TCERG1: variants seen among roughly 807,000 people sequenced by gnomAD.
TCERG1 encodes TATA box binding protein (TBP)-associated factor, RNA polymerase II, S, 150kD.
In TCERG1, 37 loss-of-function variants were observed where a neutral mutation model predicts 144.7. The ratio of observed to expected loss-of-function variants is 0.26; its 90% CI spans 0.20 to 0.34. TCERG1 has a LOEUF of 0.34. Among genes scored for constraint, TCERG1 ranks in the 10% least tolerant of loss-of-function variants. The pLI is 1.00. For synonymous variants in TCERG1, 492 were observed against 458.2 expected (o/e 1.07, Z -0.94); for missense variants, 1,027 against 1,380.7 (o/e 0.74, Z 4.06).
intron 10 of TCERG1, among the ~76,000 whole-genome samples, chr5:146,478,942 T>A (rs1561669627): frequency 6.6e-6 from 1 of 152,190 alleles, no homozygotes; most frequent in Non-Finnish European, 1.5e-5. Flanking sequence ...GCTTAGTGCT[T>A]ATCAATACTA....
chr5:146,467,697 A>G (rs769252184), intron 5 of TCERG1, among the ~76,000 whole-genome samples: 3 of 152,228 alleles, frequency 2.0e-5, no homozygotes, highest in African/African-American at 4.8e-5. Context: ...TTCTAAGGCC[A>G]TGGGGTTCCA....
chr5:146,462,888 C>T (rs905826393), intron 4 of TCERG1, among the ~76,000 whole-genome samples: 10 of 152,196 alleles, frequency 6.6e-5, no homozygotes, highest in South Asian at 2.1e-4. Flanking sequence ...TCTAACAAAA[C>T]GTATATATTA....
intron 1 of TCERG1, among the ~76,000 whole-genome samples, chr5:146,454,172 G>T (rs1762613431): frequency 6.6e-6 from 1 of 151,540 alleles, no homozygotes; most frequent in South Asian, 2.1e-4. Flanking sequence ...CTGTACTCCA[G>T]CCTGGCAAGA....
At chr5:146,498,309 T>C (rs958998293) in intron 16 of TCERG1, among the ~76,000 whole-genome samples, 2 of 151,896 alleles carry the variant, frequency 1.3e-5, no homozygotes, top group Non-Finnish European at 2.9e-5. Context: ...TTAATAATAA[T>C]ATTTATTCTC....
At chr5:146,475,110 T>G (rs1764711136) in intron 9 of TCERG1, among the ~76,000 whole-genome samples, 1 of 152,214 alleles carries the variant, frequency 6.6e-6, no homozygotes, top group Non-Finnish European at 1.5e-5. Context: ...GGCTTGTTTC[T>G]GAAGTCTTGT....
At chr5:146,452,821 A>G (rs1386332265) in intron 1 of TCERG1, among the ~76,000 whole-genome samples, 1 of 152,096 alleles carries the variant, frequency 6.6e-6, no homozygotes, top group Non-Finnish European at 1.5e-5. Context: ...TGAACTCCTG[A>G]CTTCAAATGA....
At chr5:146,491,793 A>T (rs770219242) in intron 15 of TCERG1, among the ~76,000 whole-genome samples, 4 of 152,348 alleles carry the variant, frequency 2.6e-5, no homozygotes, top group African/African-American at 9.6e-5. Flanking sequence ...TTTGTGGGCC[A>T]TATGGTCTCT....
At chr5:146,496,881 T>G (rs1197566523) in intron 16 of TCERG1, among the ~76,000 whole-genome samples, 1 of 147,128 alleles carries the variant, frequency 6.8e-6, no homozygotes, top group Non-Finnish European at 1.5e-5. Context: ...TTTTTTTTTT[T>G]TTTTTTTTTT....
intron 19 of TCERG1, among the ~76,000 whole-genome samples, chr5:146,506,027 T>G (rs1333516999): frequency 6.6e-6 from 1 of 152,150 alleles, no homozygotes; most frequent in Non-Finnish European, 1.5e-5. Context: ...TCCACCCACC[T>G]CCCAAAGGGC....
At chr5:146,509,113 C>A in intron 21 of TCERG1, 32 bp from the exon 22 acceptor site, 2 of 1,365,326 alleles carry the variant, frequency 1.5e-6, no homozygotes, top group Non-Finnish European at 2.0e-6. Flanking sequence ...GTTTTATTTC[C>A]ATAATCTCAA....
intron 7 of TCERG1, among the ~76,000 whole-genome samples, chr5:146,470,223 G>A (rs1028941062): frequency 6.6e-6 from 1 of 152,078 alleles, no homozygotes; most frequent in African/African-American, 2.4e-5. Context: ...GGCTGGTCTT[G>A]AACTCCTGGG....
At chr5:146,466,349 G>C (rs145497001) in intron 5 of TCERG1, among the ~76,000 whole-genome samples, 10 of 152,228 alleles carry the variant, frequency 6.6e-5, no homozygotes, top group African/African-American at 2.2e-4. Context: ...ATTGAGGAAC[G>C]GATGGTCAAA....
At chr5:146,505,607 T>A (rs1767910222) in intron 19 of TCERG1, 1 of 151,624 alleles carries the variant, frequency 6.6e-6, no homozygotes, top group African/African-American at 2.4e-5. Flanking sequence ...TGACAGACTT[T>A]CTCGTTCTTC....
intron 15 of TCERG1, among the ~76,000 whole-genome samples, chr5:146,490,136 G>C (rs1414280487): frequency 6.6e-6 from 1 of 152,118 alleles, no homozygotes; most frequent in Non-Finnish European, 1.5e-5. Flanking sequence ...ACTTTCAAAA[G>C]GTTTTCTGCA....
rs965987020 is a variant in TCERG1, at chr5:146,469,611, A to G, written c.1266A>G (p.Ser422=). The G allele has an allele frequency of 3.1e-6, 5 of 1,613,544 alleles. No homozygotes were observed. The highest frequency in any genetic ancestry group is 4.2e-6 in the Non-Finnish European group (5 of 1,179,676). The part of the protein sequence containing the change: ...MIHPQVAIAA[S]PATLAGATAV... ...ATCCCCAGGTTGCTATTGCAGCTTC[A>G]CCTGCTACCTTAGCTGGAGCAACAG... The change falls in exon 7 of 23, where the codon TCA becomes TCG. Residue 422 remains serine (S), a synonymous_variant. Transcript: ENST00000679501.
At chr5:146,498,505 C>G in intron 16 of TCERG1, 31 bp from the exon 17 acceptor site, 1 of 1,579,638 alleles carries the variant, frequency 6.3e-7, no homozygotes, top group Non-Finnish European at 8.6e-7. Flanking sequence ...AAGTAACTGC[C>G]AAAGTTAGCA....
rs768149746 is a variant in TCERG1 at position 146,447,371 on chromosome 5, G to T, written c.22G>T (p.Gly8Trp). Residue 8 changes from glycine to tryptophan, a missense_variant, in exon 1 of 23, where the codon GGG (glycine) becomes TGG (tryptophan). Physicochemically the swap from Gly to Trp is radical, Grantham distance 184. Around this residue, in one of 6 missense-constraint regions of TCERG1, gnomAD observed 175 missense variants for 197.0 expected, o/e 0.89. Transcript: ENST00000679501. ...TGTAATGGCGGAGCGTGGCGGGGAC[G>T]GGGGCGAGAGTGAACGATTCAACCC... Reference protein sequence around the residue: MAERGGDGGESERFNPGE... With the variant: MAERGGDWGESERFNPGE... 5.0e-6 allele frequency: 8 copies of T among 1,610,976 alleles called. No individual in the cohort carries two copies. The highest frequency in any genetic ancestry group is 2.7e-5 in the African/African-American group (2 of 74,650).
In TCERG1 at chr5:146,481,183, C is replaced by G; in HGVS notation, c.1920C>G (p.Ala640=). ...RMSKKSFMWI[A]RASLFRRDDN... is the part of the protein sequence containing the mutation. Reference sequence around the variant, plus strand: ...CAAAGAAGTCCTTTATGTGGATTGCCCGAGCTTCTCTATTTAGGTACAAAG... The same window carrying G: ...CAAAGAAGTCCTTTATGTGGATTGCGCGAGCTTCTCTATTTAGGTACAAAG... The change falls in exon 13 of 23, where the codon GCC becomes GCG. Residue 640 remains alanine (A), a synonymous_variant. Coordinates refer to ENST00000679501, the MANE Select transcript of TCERG1 (RefSeq NM_001382548.1). 3 of 985,110 alleles carry G rather than the reference C, an allele frequency of 3.0e-6. No homozygotes were observed. The highest frequency in any genetic ancestry group is 3.6e-6 in the Non-Finnish European group (3 of 829,850). The allele number at this position is 985,110 out of a possible 1,614,324, so 61.0% of individuals were successfully genotyped here.
chr5:146,463,978 G>A (rs1190986656), intron 5 of TCERG1, among the ~76,000 whole-genome samples, 185 bp downstream of exon 5: 1 of 151,982 alleles, frequency 6.6e-6, no homozygotes. Flanking sequence ...TTTTGTTGTT[G>A]TTTACATGTC....
Sources: gnomAD v4.1 joint callset for allele counts (sites outside exome capture counted in the v4.1 genomes callset) on GRCh38, gnomAD v4.1.1 for gene constraint, gnomAD v4.1.1 regional missense constraint, MANE v1.5 for transcripts, NCBI Gene and HGNC (gene_info 2026-07-23, HGNC 2026-07-21) for gene names.